ABI2: variants seen among roughly 807,000 people sequenced by gnomAD.
The protein encoded by ABI2 is abl interactor 2.
A neutral mutation model predicts 59.2 loss-of-function variants in ABI2; 25 were observed. The observed-to-expected ratio is 0.42, with a 90% CI of 0.31 to 0.59. The LOEUF (loss-of-function observed/expected upper bound fraction) is 0.59. Ranked by LOEUF, ABI2 falls within the 20% of genes least tolerant of loss-of-function variation. ABI2 has a pLI of 0.14. For missense variants in ABI2, 545 were observed against 681.8 expected (o/e 0.80, Z 2.23); for synonymous variants, 213 against 235.5 (o/e 0.90, Z 0.87).
chr2:203,359,883 T>A (rs1268974200), intron 1 of ABI2, among the ~76,000 whole-genome samples: 2 of 152,064 alleles, frequency 1.3e-5, no homozygotes, highest in Non-Finnish European at 2.9e-5. Flanking sequence ...TAGCAATGAA[T>A]ATTTAGAAAT....
intron 1 of ABI2, among the ~76,000 whole-genome samples, chr2:203,357,860 C>T (rs2092549938): frequency 6.6e-6 from 1 of 152,130 alleles, no homozygotes; most frequent in Admixed American, 6.5e-5. Flanking sequence ...CCTCCGCCTC[C>T]TGGCTTCAAA....
intron 11 of ABI2, among the ~76,000 whole-genome samples, chr2:203,419,063 A>G (rs2098053209): frequency 6.6e-6 from 1 of 151,566 alleles, no homozygotes; most frequent in Non-Finnish European, 1.5e-5. Flanking sequence ...ATGTCAACCC[A>G]GTGTTCTTTA....
rs185466753 is a variant in ABI2, at chr2:203,343,580, G to C, written c.117+14949G>C. The stretch of plus-strand genomic sequence containing the variant: ...TGACCTCAAAGACATCCTCCTGCTT[G>C]GGCCTCCCAAAGTGTTGAGATTACA... On this transcript the variant is annotated intron_variant, in intron 1 of 11. Coordinates refer to ENST00000261018, the MANE Select transcript of ABI2 (RefSeq NM_001375670.1). 2.6e-3 allele frequency among the ~76,000 whole-genome samples: 395 copies of C among 152,130 alleles called. 4 individuals are homozygous for C. The highest frequency in any genetic ancestry group is 2.5e-3 in the South Asian group (12 of 4,826).
chr2:203,386,938 C>T (rs762469897), intron 4 of ABI2, among the ~76,000 whole-genome samples: 2 of 152,120 alleles, frequency 1.3e-5, no homozygotes, highest in Non-Finnish European at 2.9e-5. Flanking sequence ...CCATGCCCAG[C>T]CAGACATTGC....
intron 11 of ABI2, among the ~76,000 whole-genome samples, chr2:203,424,371 A>C (rs2098347003): frequency 6.6e-6 from 1 of 152,166 alleles, no homozygotes; most frequent in Non-Finnish European, 1.5e-5. Context: ...ACTGGTGTAT[A>C]TCTTTCCCTG....
At chr2:203,370,182 CCTATT>C (rs1220547938) in intron 2 of ABI2, among the ~76,000 whole-genome samples, 1 of 134,112 alleles carries the variant, frequency 7.5e-6, no homozygotes, top group East Asian at 2.0e-4. Flanking sequence ...GTGTCATTCT[CCTATT>C]CTCTCTCTCT....
At chr2:203,369,519 T>G (rs943217274) in intron 2 of ABI2, among the ~76,000 whole-genome samples, 3 of 152,240 alleles carry the variant, frequency 2.0e-5, no homozygotes, top group Non-Finnish European at 2.9e-5. Flanking sequence ...TATGTATTAA[T>G]TCAGTTATTC....
intron 1 of ABI2, among the ~76,000 whole-genome samples, chr2:203,354,178 G>A (rs1266939996): frequency 2.0e-5 from 3 of 151,988 alleles, no homozygotes; most frequent in Admixed American, 1.3e-4. Context: ...CAAGTAGCTG[G>A]GACTACAGGC....
chr2:203,413,224 C>T (rs1242508589), intron 10 of ABI2, among the ~76,000 whole-genome samples: 4 of 152,138 alleles, frequency 2.6e-5, no homozygotes, highest in South Asian at 2.1e-4. Context: ...TAATGAAACA[C>T]GAATGTTTGT....
intron 2 of ABI2, among the ~76,000 whole-genome samples, chr2:203,369,266 G>GT (rs2094871413): frequency 6.6e-6 from 1 of 151,556 alleles, no homozygotes. Context: ...AAAAAGAAAC[G>GT]TTAAAAAAAA....
intron 1 of ABI2, among the ~76,000 whole-genome samples, chr2:203,346,422 G>A (rs2083597219): frequency 6.6e-6 from 1 of 152,228 alleles, no homozygotes; most frequent in Non-Finnish European, 1.5e-5. Flanking sequence ...TGTATCACCA[G>A]TGTGTATGAT....
chr2:203,357,742 A>G (rs1237026863), intron 1 of ABI2, among the ~76,000 whole-genome samples: 1 of 132,868 alleles, frequency 7.5e-6, no homozygotes, highest in Non-Finnish European at 1.6e-5. Context: ...CAGAAACTGA[A>G]TTTGGTTTTT....
At chr2:203,407,354 A>G (rs570855179) in intron 9 of ABI2, among the ~76,000 whole-genome samples, 14 of 152,166 alleles carry the variant, frequency 9.2e-5, no homozygotes, top group Non-Finnish European at 1.8e-4. Flanking sequence ...GCTATATAAT[A>G]TATATATCTC....
chr2:203,396,891 T>C lies in ABI2; in HGVS notation c.957T>C (p.Ala319=). The C allele has an allele frequency of 6.5e-7, 1 of 1,534,246 alleles. No homozygotes were observed. Residue 319 remains alanine (A), a synonymous_variant, in exon 8 of 12, where the codon GCT becomes GCC. Transcript: ENST00000261018. ...TVPSSTAPDA[A]AGGAQTLADG... is the part of the protein sequence containing the mutation. Reference sequence around the variant, plus strand: ...CTTCCTCCACTGCCCCAGACGCTGCTGCTGGGGGTGCCCAGACCCTTGCTG... The same window carrying C: ...CTTCCTCCACTGCCCCAGACGCTGCCGCTGGGGGTGCCCAGACCCTTGCTG...
At chr2:203,421,869 C>T (rs756883022) in intron 11 of ABI2, among the ~76,000 whole-genome samples, 31 of 149,480 alleles carry the variant, frequency 2.1e-4, no homozygotes, top group South Asian at 1.9e-3. Context: ...GAGGCTGAGG[C>T]AGGAGAATCA....
intron 1 of ABI2, among the ~76,000 whole-genome samples, chr2:203,334,668 A>ATTT (rs11390894): frequency 1.1e-4 from 16 of 146,772 alleles, no homozygotes; most frequent in Non-Finnish European, 1.6e-4. Flanking sequence ...CTAGTTGTAG[A>ATTT]TTTTTTTTTT....
chr2:203,365,304 G>A (rs1403809867), intron 1 of ABI2, among the ~76,000 whole-genome samples: 4 of 151,976 alleles, frequency 2.6e-5, no homozygotes, highest in Non-Finnish European at 4.4e-5. Flanking sequence ...TCTTTACATA[G>A]CAGTAATGCA....
Position 203,427,402 on chromosome 2 carries a change from A to G in ABI2, c.*50A>G. 1.3e-6 allele frequency: 2 copies of G among 1,518,740 alleles called. No individual in the cohort carries two copies. Among genetic ancestry groups the G allele is most frequent in the Non-Finnish European group, 1.8e-6 (2 of 1,113,338 alleles). The allele number at this position is 1,518,740 out of a possible 1,614,324, so 94.1% of individuals were successfully genotyped here. ...CACAGGAATAGTCAGGTCTTCCCAG[A>G]TTATCTGAAGGCCCTGGGGATTCCA... On this transcript the variant is annotated 3_prime_UTR_variant, in exon 12 of 12. Transcript: ENST00000261018.
At position 203,429,019 on chromosome 2, in the gene ABI2, A is replaced by T. The variant is rs1403913870; in HGVS notation, c.*1667A>T. On this transcript the variant is annotated 3_prime_UTR_variant, in exon 12 of 12. Coordinates refer to ENST00000261018, the MANE Select transcript of ABI2 (RefSeq NM_001375670.1). ...AGAAGTTAATATTCCACTTAATGTT[A>T]TCTGAGCATTAAAAATCATCAGCAT... 6.6e-6 allele frequency: 1 copy of T among 152,244 alleles called. No homozygotes were observed. Among genetic ancestry groups the T allele is most frequent in the Non-Finnish European group, 1.5e-5 (1 of 68,040 alleles). 9.4% of individuals were successfully genotyped at this position (152,244 alleles called of 1,614,324 possible). A position where few individuals can be genotyped will look rare whatever the true frequency, so the allele number is the denominator to read the frequency against.
Sources: gnomAD v4.1 joint callset for allele counts (sites outside exome capture counted in the v4.1 genomes callset) on GRCh38, gnomAD v4.1.1 for gene constraint, MANE v1.5 for transcripts, NCBI Gene and HGNC (gene_info 2026-07-23, HGNC 2026-07-21) for gene names.